Variants in USP51 observed in about 807,000 individuals in gnomAD.
The protein encoded by USP51 is ubiquitin carboxyl-terminal hydrolase 51.
In USP51, 5 loss-of-function variants were observed where a neutral mutation model predicts 17.6. That is an observed-to-expected ratio of 0.28 (90% CI 0.15 to 0.60). The LOEUF is 0.60. USP51 is among the 20% of genes least tolerant of loss of function. The probability of loss-of-function intolerance (pLI) is 0.88; values close to 1 mark genes in which losing one functional copy is unlikely to be tolerated. For synonymous variants in USP51, 248 were observed against 216.1 expected, an observed-to-expected ratio of 1.15 and a Z score of -1.29; for missense variants, 459 against 559.5, an observed-to-expected ratio of 0.82 and a Z score of 1.81.
rs2031294724 is a variant in USP51, at chrX:55,485,087, T to C, written c.*1717A>G. The C allele has an allele frequency of 9.0e-6, 1 of 111,715 alleles. No individual in the cohort carries two copies. Among genetic ancestry groups the C allele is most frequent in the Admixed American group, 9.5e-5 (1 of 10,523 alleles). The allele number at this position is 111,715 out of a possible 1,213,427, so 9.2% of individuals were successfully genotyped here. ...CTGTGGAAATTAAAGGTCTTGTTTC[T>C]CCTTGGAGGGGGAAGAGGGAAAAAG... On this transcript the variant is annotated 3_prime_UTR_variant, in exon 3 of 3. Coordinates refer to ENST00000500968, the MANE Select transcript of USP51 (RefSeq NM_201286.4).
In USP51 at chrX:55,487,914, C is replaced by T; in HGVS notation, c.1026G>A (p.Glu342=). 1 of 1,188,628 alleles carries T rather than the reference C, an allele frequency of 8.4e-7. No individual in the cohort carries two copies. Among genetic ancestry groups the T allele is most frequent in the Non-Finnish European group, 1.1e-6 (1 of 886,145 alleles). ...TTTTCTTGGGTTTCACCAATTTTGG[C>T]TCCTGTTCCTTTGTCTCACAGGTTG... The part of the protein sequence containing the change: ...KQSTCETKEQ[E]PKLVKPKKKR... Residue 342 remains glutamate, a synonymous_variant, in exon 3 of 3, where the codon GAG becomes GAA. Coordinates refer to ENST00000500968, the MANE Select transcript of USP51 (RefSeq NM_201286.4).
rs373220367 is a variant in USP51 at position 55,488,944 on chromosome X, T to C, written c.-5A>G. The C allele has an allele frequency of 7.5e-6, 9 of 1,199,156 alleles. No homozygotes were observed. Among genetic ancestry groups the C allele is most frequent in the Non-Finnish European group, 1.0e-5 (9 of 889,719 alleles). On this transcript the variant is annotated 5_prime_UTR_variant, in exon 3 of 3. Transcript: ENST00000500968. ...AGTTTCTCGAACCTGGGCCATCAGA[T>C]CACTCCCCGACCTGAGGAGCAAGGC...
intron 2 of USP51, 65 bp from the exon 3 acceptor site, chrX:55,489,053 A>C (rs945816201): frequency 9.7e-7 from 1 of 1,029,422 alleles, no homozygotes. Context: ...CGCGGTGCGC[A>C]GTTAGCGCCC....
In USP51 at chrX:55,487,120, C is replaced by T. The variant is rs2031329863; in HGVS notation, c.1820G>A (p.Arg607Gln). ...KRFEHVGKQR[R>Q]KINTFISFPL... ...AAAGGAGATAAAGGTATTAATCTTT[C>T]GCCTCTGTTTGCCTACATGCTCAAA... Residue 607 changes from arginine to glutamine, a missense_variant, in exon 3 of 3, where the codon CGA becomes CAA. By Grantham distance (43) the Arg-to-Gln change is conservative. Around this residue, in one of 2 missense-constraint regions of USP51, gnomAD observed 227 missense variants for 365.5 expected, o/e 0.62. Coordinates refer to ENST00000500968, the MANE Select transcript of USP51 (RefSeq NM_201286.4). The T allele has an allele frequency of 3.3e-6, 4 of 1,210,264 alleles. No homozygotes were observed.
chrX:55,486,623 G>A lies in USP51; in HGVS notation c.*181C>T. ...CATTTCTTAAGGTTGAATGGTCACT[G>A]GTTAGTATTCATTTTTTTCTTCCGA... On this transcript the variant is annotated 3_prime_UTR_variant, in exon 3 of 3. Transcript: ENST00000500968. 1 of 524,714 alleles carries A rather than the reference G, an allele frequency of 1.9e-6. No individual in the cohort carries two copies. The highest frequency in any genetic ancestry group is 2.9e-6 in the Non-Finnish European group (1 of 342,044). 43.2% of individuals were successfully genotyped at this position (524,714 alleles called of 1,213,427 possible). A position where few individuals can be genotyped will look rare whatever the true frequency, so the allele number is the denominator to read the frequency against.
At position 55,488,767 on chromosome X, in the gene USP51, A is replaced by C. The variant is rs1226093903; in HGVS notation, c.173T>G (p.Leu58Arg). ...GGGCTCACGCTCTTGTAATGGCTCC[A>C]GCTTCATCTCCTCGGCTTCACGTCT... is the stretch of plus-strand genomic sequence containing the variant. ...SSRREAEEMK[L>R]EPLQEREPAP... The change falls in exon 3 of 3, where the codon CTG becomes CGG. Residue 58 changes from leucine (L) to arginine (R), a missense_variant. This residue lies in a region of USP51 where 232 missense variants were observed against 194.0 expected (regional missense o/e 1.20). Coordinates refer to ENST00000500968, the MANE Select transcript of USP51 (RefSeq NM_201286.4). The C allele has an allele frequency of 4.1e-6, 5 of 1,207,831 alleles. No homozygotes were observed. Among genetic ancestry groups the C allele is most frequent in the Non-Finnish European group, 5.6e-6 (5 of 895,159 alleles).
rs926287492 is a variant in USP51, at chrX:55,484,723, A to T, written c.*2081T>A. 8.9e-6 allele frequency: 1 copy of T among 112,307 alleles called. No individual in the cohort carries two copies. Among genetic ancestry groups the T allele is most frequent in the African/African-American group, 3.2e-5 (1 of 30,867 alleles). The allele number at this position is 112,307 out of a possible 1,213,427, so 9.3% of individuals were successfully genotyped here. On this transcript the variant is annotated 3_prime_UTR_variant, in exon 3 of 3. Transcript: ENST00000500968. ...ACAATCACAAAGCTACAATAAAATCACAGTAGAATAAGTACTATCACCGAG... is the reference window on the plus strand; with the variant it reads ...ACAATCACAAAGCTACAATAAAATCTCAGTAGAATAAGTACTATCACCGAG...
intron 2 of USP51, 65 bp downstream of exon 2, chrX:55,489,104 T>C: frequency 1.4e-6 from 1 of 698,711 alleles, no homozygotes; most frequent in Non-Finnish European, 2.1e-6. Context: ...AGCCCGCGGC[T>C]TCTGTCGGCT....
chrX:55,488,382 G>C lies in USP51; in HGVS notation c.558C>G (p.Val186=). The C allele has an allele frequency of 2.5e-6, 3 of 1,211,260 alleles. No individual in the cohort carries two copies. Among genetic ancestry groups the C allele is most frequent in the Non-Finnish European group, 3.4e-6 (3 of 895,147 alleles). The change falls in exon 3 of 3, where the codon GTC becomes GTG. Residue 186 remains valine (V), a synonymous_variant. Coordinates refer to ENST00000500968, the MANE Select transcript of USP51 (RefSeq NM_201286.4). The stretch of plus-strand genomic sequence containing the variant: ...AGCCTGTGGGACCCTGACCAAACTC[G>C]ACCTCCAGCAACCAGTCCCCTAAGC... ...PGGLGDWLLE[V]EFGQGPTGCS... is the part of the protein sequence containing the mutation.
chrX:55,488,629 G>A lies in USP51; in HGVS notation c.311C>T (p.Pro104Leu). The A allele has an allele frequency of 8.6e-7, 1 of 1,167,432 alleles. No homozygotes were observed. Reference sequence around the variant, plus strand: ...GGCCCGGGGCTGGGGCCGAGGGCGGGGCTTGCGGCGCGGGCAAACGGGCGA... The same window carrying A: ...GGCCCGGGGCTGGGGCCGAGGGCGGAGCTTGCGGCGCGGGCAAACGGGCGA... ...SSSPVCPRRK[P>L]RPRPQPRARS... Residue 104 changes from proline to leucine, a missense_variant, in exon 3 of 3, where the codon CCC becomes CTC. Around this residue, in one of 2 missense-constraint regions of USP51, gnomAD observed 232 missense variants for 194.0 expected, o/e 1.20. Transcript: ENST00000500968.
At position 55,485,992 on chromosome X, in the gene USP51, T is replaced by C. The variant is rs1307952043; in HGVS notation, c.*812A>G. On this transcript the variant is annotated 3_prime_UTR_variant, in exon 3 of 3. Coordinates refer to ENST00000500968, the MANE Select transcript of USP51 (RefSeq NM_201286.4). ...ATTTTGTTAACACTTTTTAAATACGTATATTTTATGCTTTAATTTTGAAAT... is the reference window on the plus strand; with the variant it reads ...ATTTTGTTAACACTTTTTAAATACGCATATTTTATGCTTTAATTTTGAAAT... 1 of 111,542 alleles carries C rather than the reference T, an allele frequency of 9.0e-6. No homozygotes were observed. Among genetic ancestry groups the C allele is most frequent in the Non-Finnish European group, 1.9e-5 (1 of 53,009 alleles). The allele number at this position is 111,542 out of a possible 1,213,427, so 9.2% of individuals were successfully genotyped here.
Position 55,487,709 on chromosome X carries a change from T to A in USP51, c.1231A>T (p.Met411Leu). The change falls in exon 3 of 3, where the codon ATG becomes TTG. Residue 411 changes from methionine to leucine, a missense_variant. Around this residue, in one of 2 missense-constraint regions of USP51, gnomAD observed 227 missense variants for 365.5 expected, o/e 0.62. Transcript: ENST00000500968. ...TACATAGCATGAAAAAGCGAAGACA[T>A]TTCACAGACCAGACACAAGCTGGGG... ...TSPSLCLVCE[M>L]SSLFHAMYSG... 2 of 1,211,817 alleles carry A rather than the reference T, an allele frequency of 1.7e-6. No individual in the cohort carries two copies. Among genetic ancestry groups the A allele is most frequent in the Non-Finnish European group, 2.2e-6 (2 of 895,542 alleles).
In USP51 at chrX:55,486,822, CTGTT is replaced by C; in HGVS notation, c.2114_2117del (p.Lys705ArgfsTer3). 1.7e-6 allele frequency: 2 copies of C among 1,196,246 alleles called. No homozygotes were observed. The highest frequency in any genetic ancestry group is 3.7e-5 in the South Asian group (2 of 54,057). On this transcript the variant is annotated frameshift_variant, in exon 3 of 3. Coordinates refer to ENST00000500968, the MANE Select transcript of USP51 (RefSeq NM_201286.4). LOFTEE classifies it high-confidence loss of function. ...GGTAAGACTAGTCTTTCTCTAGACC[CTGTT>C]TGTGATAGAACAGTAAATACCCTTC...
chrX:55,489,192 T>C lies in USP51; in HGVS notation c.-73A>G. ...ACCTGCTTCAAAGGCGATCAGATCA[T>C]GCCAGGGGACTGGGAACAGAAGGCT... is the stretch of plus-strand genomic sequence containing the variant. On this transcript the variant is annotated 5_prime_UTR_variant, in exon 2 of 3. It removes an upstream start codon present in the reference 5' UTR. Coordinates refer to ENST00000500968, the MANE Select transcript of USP51 (RefSeq NM_201286.4). The C allele has an allele frequency of 2.6e-6, 1 of 384,937 alleles. No homozygotes were observed. The allele number at this position is 384,937 out of a possible 1,213,427, so 31.7% of individuals were successfully genotyped here. A position where few individuals can be genotyped will look rare whatever the true frequency, so the allele number is the denominator to read the frequency against.
Position 55,488,900 on chromosome X carries a change from C to T in USP51, c.40G>A (p.Gly14Arg). 1 of 1,208,858 alleles carries T rather than the reference C, an allele frequency of 8.3e-7. No homozygotes were observed. Residue 14 changes from glycine to arginine, a missense_variant, in exon 3 of 3, where the codon GGG (glycine) becomes AGG (arginine). This residue lies in a region of USP51 where 232 missense variants were observed against 194.0 expected (regional missense o/e 1.20). Coordinates refer to ENST00000500968, the MANE Select transcript of USP51 (RefSeq NM_201286.4). Reference protein sequence around the residue: ...VRETSLPSGSGVRWISGGGGG... With the variant: ...VRETSLPSGSRVRWISGGGGG... The stretch of plus-strand genomic sequence containing the variant: ...CCACCTCCGGAGATCCAGCGGACCC[C>T]AGAGCCGGAGGGCAAAGAAGTTTCT...
rs1361479852 is a variant in USP51 at position 55,484,994 on chromosome X, CAAAAAAAGGAA to C, written c.*1799_*1809del. 9.1e-6 allele frequency: 1 copy of C among 109,799 alleles called. No individual in the cohort carries two copies. The highest frequency in any genetic ancestry group is 1.9e-5 in the Non-Finnish European group (1 of 52,616). The allele number at this position is 109,799 out of a possible 1,213,427, so 9.0% of individuals were successfully genotyped here. On this transcript the variant is annotated 3_prime_UTR_variant, in exon 3 of 3. Transcript: ENST00000500968. ...GGTTCAGGGAACTAGGCATGAGTGA[CAAAAAAAGGAA>C]ATAAAGAGGGAATAAAGAATGAGCA...
In USP51 at chrX:55,486,647, G is replaced by A. The variant is rs1602025582; in HGVS notation, c.*157C>T. 3 of 708,329 alleles carry A rather than the reference G, an allele frequency of 4.2e-6. No homozygotes were observed. The highest frequency in any genetic ancestry group is 4.3e-5 in the South Asian group (1 of 23,405). 58.4% of individuals were successfully genotyped at this position (708,329 alleles called of 1,213,427 possible). On this transcript the variant is annotated 3_prime_UTR_variant, in exon 3 of 3. Coordinates refer to ENST00000500968, the MANE Select transcript of USP51 (RefSeq NM_201286.4). ...TGGTTAGTATTCATTTTTTTCTTCC[G>A]ACAGACCCATGGGCCATGCTAAAAT...
intron 2 of USP51, 70 bp downstream of exon 2, chrX:55,489,099 G>C: frequency 2.6e-6 from 2 of 755,331 alleles, no homozygotes; most frequent in Non-Finnish European, 3.8e-6. Flanking sequence ...AGCTCAGCCC[G>C]CGGCTTCTGT....
In USP51 at chrX:55,487,464, C is replaced by T. The variant is rs2031336305; in HGVS notation, c.1476G>A (p.Leu492=). The T allele has an allele frequency of 8.3e-7, 1 of 1,211,963 alleles. No individual in the cohort carries two copies. The highest frequency in any genetic ancestry group is 1.1e-6 in the Non-Finnish European group (1 of 895,575). ...AGGCTTGACATGTGACATCTGATTGCAGGCCACCTGTAAAGATTTGGTCTA... is the reference window on the plus strand; with the variant it reads ...AGGCTTGACATGTGACATCTGATTGTAGGCCACCTGTAAAGATTTGGTCTA... ...CIIDQIFTGG[L]QSDVTCQACH... The change falls in exon 3 of 3, where the codon CTG becomes CTA. Residue 492 remains leucine, a synonymous_variant. Transcript: ENST00000500968.
Sources: allele counts gnomAD v4.1 joint callset, GRCh38; gene constraint gnomAD v4.1.1; regional missense constraint gnomAD v4.1.1; transcripts MANE v1.5; gene names NCBI Gene and HGNC (gene_info 2026-07-23, HGNC 2026-07-21).